The following NR1H3 variants were observed in gnomAD, a reference collection of about 807,000 sequenced individuals.
NR1H3 encodes oxysterols receptor LXR-alpha.
In NR1H3, 19 loss-of-function variants were observed where a neutral mutation model predicts 48.1. That is an observed-to-expected ratio of 0.40 (90% CI 0.28 to 0.58). The LOEUF (loss-of-function observed/expected upper bound fraction) is 0.58. NR1H3 is among the 20% of genes least tolerant of loss of function. The pLI is 0.50. For synonymous variants in NR1H3, 232 were observed against 227.3 expected, an observed-to-expected ratio of 1.02 and a Z score of -0.19; for missense variants, 486 against 595.9, an observed-to-expected ratio of 0.82 and a Z score of 1.92.
exon 1 of NR1H3, chr11:47,248,939 G>T (rs1412950900): frequency 3.9e-6 from 6 of 1,533,874 alleles, no homozygotes; most frequent in Non-Finnish European, 5.2e-6. Context: ...AAAAGGCGCA[G>T]TCTCGGTGGG....
chr11:47,248,458 C>T (rs1169207088), upstream of NR1H3: 1 of 1,545,596 alleles, frequency 6.5e-7, no homozygotes, highest in Non-Finnish European at 8.7e-7. Flanking sequence ...ACCATTCAAC[C>T]ACTTCCCTGT....
chr11:47,268,772 G>A lies in NR1H3; in HGVS notation c.*76G>A. The A allele has an allele frequency of 3.9e-6, 6 of 1,530,674 alleles. No individual in the cohort carries two copies. Among genetic ancestry groups the A allele is most frequent in the Non-Finnish European group, 4.4e-6 (5 of 1,128,872 alleles). The allele number at this position is 1,530,674 out of a possible 1,614,324, so 94.8% of individuals were successfully genotyped here. On this transcript the variant is annotated 3_prime_UTR_variant, in exon 10 of 10. Coordinates refer to ENST00000441012, the MANE Select transcript of NR1H3 (RefSeq NM_005693.4). ...GTGGCTGCCTCCTAGAAGTGGAACA[G>A]ACTGAGAAGGGCAAACATTCCTGGG... is the stretch of plus-strand genomic sequence containing the variant.
intron 5 of NR1H3, 27 bp from the exon 6 acceptor site, chr11:47,261,520 G>A: frequency 6.2e-7 from 1 of 1,611,632 alleles, no homozygotes. Context: ...CCGACTCAAA[G>A]CGCTTTGCCT....
chr11:47,252,959 C>CT (rs35321542), intron 1 of NR1H3, among the ~76,000 whole-genome samples: 27,777 of 113,250 alleles, frequency 0.25, 4,804 homozygotes, highest in East Asian at 0.65. Context: ...AACTTGTATT[C>CT]TTTTTTTTTT....
In NR1H3 at chr11:47,259,942, C is replaced by T; in HGVS notation, c.195C>T (p.Ala65=). The T allele has an allele frequency of 6.3e-7, 1 of 1,586,534 alleles. No homozygotes were observed. Among genetic ancestry groups the T allele is most frequent in the Non-Finnish European group, 8.6e-7 (1 of 1,167,194 alleles). Residue 65 remains alanine, a synonymous_variant, in exon 3 of 10, where the codon GCC becomes GCT. Coordinates refer to ENST00000441012, the MANE Select transcript of NR1H3 (RefSeq NM_005693.4). ...GVGLEAAEPT[A]LLTRAEPPSE... ...GGCTGGAGGCTGCAGAGCCCACAGC[C>T]CTGCTCACCAGGGCAGAGCCCCCTT...
chr11:47,266,423 A>G (rs1193105687), intron 7 of NR1H3, among the ~76,000 whole-genome samples: 3 of 149,274 alleles, frequency 2.0e-5, no homozygotes, highest in African/African-American at 7.4e-5. Flanking sequence ...TGCAACCTCC[A>G]CCTCCCAGGT....
chr11:47,262,107 C>A (rs1408873095), intron 7 of NR1H3, 89 bp downstream of exon 7: 4 of 980,536 alleles, frequency 4.1e-6, no homozygotes, highest in Non-Finnish European at 6.1e-6. Flanking sequence ...GGGCCAGGCG[C>A]GGTGGCTCAT....
upstream of NR1H3, among the ~76,000 whole-genome samples, chr11:47,253,256 A>G (rs1954815772): frequency 6.6e-6 from 1 of 151,586 alleles, no homozygotes; most frequent in South Asian, 2.1e-4. Flanking sequence ...AGTGTGAGCC[A>G]CCACACCCAG....
chr11:47,248,704 C>T (rs2167079), upstream of NR1H3: 549,824 of 1,610,240 alleles, frequency 0.34, 102,781 homozygotes, highest in East Asian at 0.74. Context: ...ACTCCGGGCC[C>T]GGGTGGGCGG....
intron 7 of NR1H3, among the ~76,000 whole-genome samples, chr11:47,263,587 T>C (rs1956145811): frequency 6.7e-6 from 1 of 149,720 alleles, no homozygotes. Flanking sequence ...CCCCTACTCT[T>C]TTTCTTTTTT....
Position 47,259,936 on chromosome 11 carries a change from C to T in NR1H3, c.189C>T (p.Pro63=), listed in dbSNP as rs1048268474. Residue 63 remains proline, a synonymous_variant, in exon 3 of 10, where the codon CCC becomes CCT. Transcript: ENST00000441012. ...TAGVGLEAAE[P]TALLTRAEPP... The stretch of plus-strand genomic sequence containing the variant: ...GGGTGGGGCTGGAGGCTGCAGAGCC[C>T]ACAGCCCTGCTCACCAGGGCAGAGC... 3.1e-6 allele frequency: 5 copies of T among 1,594,968 alleles called. No individual in the cohort carries two copies. Among genetic ancestry groups the T allele is most frequent in the Middle Eastern group, 3.4e-4 (2 of 5,878 alleles).
chr11:47,262,154 C>A, intron 7 of NR1H3, 136 bp downstream of exon 7: 1 of 626,740 alleles, frequency 1.6e-6, no homozygotes. Context: ...CCGAGGTGGG[C>A]AGATCACCAG....
At chr11:47,253,660 T>C (rs1447504968), upstream of NR1H3, among the ~76,000 whole-genome samples, 1 of 152,258 alleles carries the variant, frequency 6.6e-6, no homozygotes, top group Non-Finnish European at 1.5e-5. Flanking sequence ...TAGCCAGTAC[T>C]ACCTGTGACC....
At chr11:47,259,294 G>T (rs777050380) in intron 2 of NR1H3, 35 bp downstream of exon 2, 4 of 1,614,078 alleles carry the variant, frequency 2.5e-6, no homozygotes, top group Non-Finnish European at 3.4e-6. Context: ...CCTGAGCCCA[G>T]ACCGCAGGCT....
chr11:47,259,754 G>T, intron 2 of NR1H3, 37 bp from the exon 3 acceptor site: 1 of 1,611,014 alleles, frequency 6.2e-7, no homozygotes, highest in South Asian at 1.1e-5. Flanking sequence ...CCGGGATGGG[G>T]CCTGAGACCC....
intron 8 of NR1H3, 80 bp downstream of exon 8, chr11:47,268,106 A>C: frequency 6.7e-6 from 4 of 598,934 alleles, no homozygotes; most frequent in African/African-American, 2.1e-5. Flanking sequence ...CGGTGGGGGG[A>C]GGGGGGTGGT....
intron 4 of NR1H3, among the ~76,000 whole-genome samples, chr11:47,260,927 A>G (rs570721242): frequency 3.3e-4 from 50 of 152,066 alleles, no homozygotes; most frequent in Non-Finnish European, 6.5e-4. Context: ...TCTACTAAAA[A>G]TACAAAAATT....
chr11:47,260,353 G>A, intron 3 of NR1H3, 56 bp from the exon 4 acceptor site: 1 of 1,559,528 alleles, frequency 6.4e-7, no homozygotes, highest in Non-Finnish European at 8.7e-7. Context: ...GCTGAGTCAG[G>A]GAGAACATGA....
At chr11:47,255,374 G>A (rs1048949617), upstream of NR1H3, among the ~76,000 whole-genome samples, 8 of 152,208 alleles carry the variant, frequency 5.3e-5, no homozygotes, top group Non-Finnish European at 7.3e-5. Flanking sequence ...AGAAAAGATA[G>A]TGAAGGGTTT....
Sources: gnomAD v4.1 joint callset for allele counts (sites outside exome capture counted in the v4.1 genomes callset) on GRCh38, gnomAD v4.1.1 for gene constraint, MANE v1.5 for transcripts, NCBI Gene and HGNC (gene_info 2026-07-23, HGNC 2026-07-21) for gene names.